The following CDH12 variants were observed in gnomAD, a reference collection of about 807,000 sequenced individuals.
The protein encoded by CDH12 is cadherin 12, also known as cadherin-12.
Under a neutral mutation model 74.1 loss-of-function variants are expected in CDH12, and 41 were observed. The ratio of observed to expected loss-of-function variants is 0.55; its 90% CI spans 0.43 to 0.72. The LOEUF is 0.72. Ranked by LOEUF, CDH12 falls within the 30% of genes least tolerant of loss-of-function variation. CDH12 has a pLI of 0.00. For missense variants in CDH12, 945 were observed against 977.2 expected, an observed-to-expected ratio of 0.97 and a Z score of 0.44; for synonymous variants, 399 against 355.0, an observed-to-expected ratio of 1.12 and a Z score of -1.39.
Position 21,808,817 on chromosome 5 carries a change from A to G in CDH12, c.1003-6397T>C, listed in dbSNP as rs539710874. On this transcript the variant is annotated intron_variant, in intron 9 of 14. Transcript: ENST00000382254. ...AAAAGGTTGCAACTCAATATTTTAT[A>G]TAAAAAAGCTGTATTTGATGAACAA... Among the ~76,000 whole-genome samples the G allele has an allele frequency of 2.6e-5, 4 of 152,240 alleles. No homozygotes were observed. In the East Asian group the frequency reaches 7.7e-4, roughly 29 times the overall value.
intron 4 of CDH12, among the ~76,000 whole-genome samples, chr5:22,111,889 C>A (rs796094786): frequency 1.3e-5 from 2 of 152,208 alleles, no homozygotes; most frequent in African/African-American, 4.8e-5. Flanking sequence ...AAATTAATGA[C>A]TTTTCGTGTC....
At chr5:22,040,943 A>G (rs1739529972) in intron 5 of CDH12, among the ~76,000 whole-genome samples, 1 of 152,174 alleles carries the variant, frequency 6.6e-6, no homozygotes, top group South Asian at 2.1e-4. Context: ...TCATATATAC[A>G]TATATACATA....
intron 5 of CDH12, among the ~76,000 whole-genome samples, chr5:22,060,095 C>A (rs1741084351): frequency 1.3e-5 from 2 of 152,140 alleles, no homozygotes; most frequent in South Asian, 4.1e-4. Context: ...AGGATGTGAG[C>A]TCTAGGAGCA....
At chr5:22,764,313 A>G (rs751761342) in intron 1 of CDH12, among the ~76,000 whole-genome samples, 15 of 151,904 alleles carry the variant, frequency 9.9e-5, no homozygotes, top group Non-Finnish European at 2.2e-4. Context: ...CCATTCTACC[A>G]TTATTGAAAA....
chr5:22,819,406 AG>A, intron 1 of CDH12, among the ~76,000 whole-genome samples: 1 of 152,114 alleles, frequency 6.6e-6, no homozygotes, highest in Non-Finnish European at 1.5e-5. Flanking sequence ...AGGTAAACAA[AG>A]GCACCCTTCA....
chr5:22,248,934 G>A (rs912235437), intron 3 of CDH12, among the ~76,000 whole-genome samples: 2 of 151,612 alleles, frequency 1.3e-5, no homozygotes, highest in Non-Finnish European at 2.9e-5. Flanking sequence ...ACCTCTACTC[G>A]ACAATTTATA....
chr5:21,786,321 T>C (rs1746196571), intron 10 of CDH12, among the ~76,000 whole-genome samples: 1 of 152,064 alleles, frequency 6.6e-6, no homozygotes, highest in Non-Finnish European at 1.5e-5. Context: ...GCCTGGCTAA[T>C]TTTTGTATTT....
At chr5:22,636,774 A>C (rs1738863038) in intron 1 of CDH12, among the ~76,000 whole-genome samples, 1 of 152,202 alleles carries the variant, frequency 6.6e-6, no homozygotes, top group African/African-American at 2.4e-5. Context: ...ATATACTAAA[A>C]ACCATTACAT....
intron 2 of CDH12, among the ~76,000 whole-genome samples, chr5:22,407,902 C>A (rs1466910663): frequency 6.6e-6 from 1 of 152,068 alleles, no homozygotes; most frequent in African/African-American, 2.4e-5. Context: ...ATACAGGATG[C>A]TTTTTTACGT....
At chr5:21,898,574 C>A (rs1182531025) in intron 6 of CDH12, among the ~76,000 whole-genome samples, 2 of 151,902 alleles carry the variant, frequency 1.3e-5, no homozygotes, top group African/African-American at 4.8e-5. Flanking sequence ...TGGTGGCGGG[C>A]GCCTATAGTC....
At chr5:22,594,433 T>C (rs1263079338) in intron 1 of CDH12, among the ~76,000 whole-genome samples, 3 of 152,078 alleles carry the variant, frequency 2.0e-5, no homozygotes, top group African/African-American at 7.2e-5. Flanking sequence ...TCCATCCAGG[T>C]GGGAATTAGT....
chr5:22,533,275 T>A (rs952210443), intron 1 of CDH12, among the ~76,000 whole-genome samples: 1 of 152,148 alleles, frequency 6.6e-6, no homozygotes, highest in South Asian at 2.1e-4. Flanking sequence ...GCCTAATAAA[T>A]AGTTACCTGA....
At chr5:22,201,428 CA>C (rs1443366170) in intron 4 of CDH12, among the ~76,000 whole-genome samples, 4 of 152,100 alleles carry the variant, frequency 2.6e-5, no homozygotes, top group Non-Finnish European at 5.9e-5. Flanking sequence ...CAGAAACAGA[CA>C]AATACCGCAT....
In CDH12 at chr5:22,639,046, G is replaced by A. The variant is rs573943096; in HGVS notation, c.-522-133682C>T. 1.0e-4 allele frequency: 9 copies of A among 86,766 alleles called. No homozygotes were observed. In the South Asian group the frequency reaches 3.2e-3, roughly 31 times the overall value. 5.4% of individuals were successfully genotyped at this position (86,766 alleles called of 1,614,324 possible). On this transcript the variant is annotated intron_variant, in intron 1 of 14. Transcript: ENST00000382254. ...AGCGTGGGCGTCAGAGTGAGAGTCCGCCTCAAAAAAAAAAAAAAAAAAAAA... is the reference window on the plus strand; with the variant it reads ...AGCGTGGGCGTCAGAGTGAGAGTCCACCTCAAAAAAAAAAAAAAAAAAAAA...
intron 3 of CDH12, among the ~76,000 whole-genome samples, chr5:22,396,594 T>C (rs1482316791): frequency 6.6e-6 from 1 of 152,134 alleles, no homozygotes; most frequent in Non-Finnish European, 1.5e-5. Context: ...TCATGCTGCC[T>C]GATGGATCAA....
intron 4 of CDH12, among the ~76,000 whole-genome samples, chr5:22,153,858 G>GTGTGTGTGTGTA (rs1747787347): frequency 2.9e-5 from 3 of 103,266 alleles, no homozygotes; most frequent in Non-Finnish European, 5.7e-5. Context: ...ATGTGTGTGT[G>GTGTGTGTGTGTA]TATATATATA....
intron 5 of CDH12, among the ~76,000 whole-genome samples, chr5:22,013,369 G>A (rs1357276756): frequency 6.6e-6 from 1 of 152,148 alleles, no homozygotes; most frequent in Non-Finnish European, 1.5e-5. Context: ...ACCTCCACCA[G>A]GTCCCTCCCT....
chr5:21,971,688 T>A (rs1756860900), intron 6 of CDH12, among the ~76,000 whole-genome samples: 1 of 152,142 alleles, frequency 6.6e-6, no homozygotes, highest in South Asian at 2.1e-4. Flanking sequence ...CATCAGATAT[T>A]AAAGAGGGTA....
At chr5:22,075,745 C>G (rs1742274030) in intron 5 of CDH12, among the ~76,000 whole-genome samples, 2 of 152,094 alleles carry the variant, frequency 1.3e-5, no homozygotes, top group Non-Finnish European at 2.9e-5. Flanking sequence ...GGATTTTCAA[C>G]TGTGCTGGGG....
Sources: gnomAD v4.1 joint callset for allele counts (sites outside exome capture counted in the v4.1 genomes callset) on GRCh38, gnomAD v4.1.1 for gene constraint, MANE v1.5 for transcripts, NCBI Gene and HGNC (gene_info 2026-07-23, HGNC 2026-07-21) for gene names.